Variants in NEDD4L observed in about 807,000 individuals in gnomAD.
NEDD4L encodes E3 ubiquitin-protein ligase NEDD4-like.
Under a neutral mutation model 148.9 loss-of-function variants are expected in NEDD4L, and 54 were observed. That is an observed-to-expected ratio of 0.36 (90% confidence interval 0.29 to 0.45). The LOEUF (loss-of-function observed/expected upper bound fraction) is 0.45, where lower values mean the gene tolerates loss of function less well. NEDD4L is among the 20% of genes least tolerant of loss of function. NEDD4L has a pLI of 1.00. For synonymous variants in NEDD4L, 433 were observed against 440.7 expected (o/e 0.98, Z 0.22); for missense variants, 856 against 1,233.8 (o/e 0.69, Z 4.59).
intron 4 of NEDD4L, among the ~76,000 whole-genome samples, chr18:58,251,169 T>A (rs1891386897): frequency 6.6e-6 from 1 of 152,126 alleles, no homozygotes; most frequent in Admixed American, 6.5e-5. Context: ...CATCATAGGA[T>A]TGCTGTGAAG....
rs2048668231 is a variant in NEDD4L at position 58,256,910 on chromosome 18, G to A, written c.297+4856G>A. ...GGCCAGTGGATCTGAATGTTTGGCC[G>A]AGTTCTGGCACGATGATTTGTGGTC... On this transcript the variant is annotated intron_variant, in intron 5 of 30. Coordinates refer to ENST00000400345, the MANE Select transcript of NEDD4L (RefSeq NM_001144967.3). This position sits in a 1 kb window ranked among gnomAD's most constrained non-coding sequence, Gnocchi z 5.2. The A allele has an allele frequency of 2.6e-6, 2 of 775,360 alleles. No homozygotes were observed. Among genetic ancestry groups the A allele is most frequent in the Non-Finnish European group, 1.7e-6 (1 of 571,476 alleles). 48.0% of individuals were successfully genotyped at this position (775,360 alleles called of 1,614,324 possible).
At chr18:58,089,305 T>C (rs2083932667) in intron 1 of NEDD4L, among the ~76,000 whole-genome samples, 1 of 151,984 alleles carries the variant, frequency 6.6e-6, no homozygotes, top group African/African-American at 2.4e-5. Flanking sequence ...GACTAATCTT[T>C]TGTATTTTTA....
chr18:58,345,432 A>G (rs918900337), intron 16 of NEDD4L, among the ~76,000 whole-genome samples: 1 of 152,234 alleles, frequency 6.6e-6, no homozygotes, highest in Non-Finnish European at 1.5e-5. Flanking sequence ...TTGAAAGAAG[A>G]AGAGAACAAA....
intron 2 of NEDD4L, among the ~76,000 whole-genome samples, chr18:58,184,388 C>T (rs1002807571): frequency 6.6e-6 from 1 of 152,066 alleles, no homozygotes; most frequent in Non-Finnish European, 1.5e-5. Flanking sequence ...TTTTGATGAG[C>T]CTCACTGGAG....
intron 1 of NEDD4L, among the ~76,000 whole-genome samples, chr18:58,106,176 C>T (rs1325324002): frequency 6.6e-6 from 1 of 152,142 alleles, no homozygotes; most frequent in Non-Finnish European, 1.5e-5. Context: ...CCGTGCTGCC[C>T]AGGATCCTGG....
intron 1 of NEDD4L, among the ~76,000 whole-genome samples, chr18:58,083,042 A>G (rs2083552681): frequency 6.6e-6 from 1 of 152,156 alleles, no homozygotes. Context: ...CTTAGTAGGA[A>G]TCTTAACAGG....
At chr18:58,374,787 C>T (rs962598056) in intron 24 of NEDD4L, among the ~76,000 whole-genome samples, 6 of 152,136 alleles carry the variant, frequency 3.9e-5, no homozygotes, top group African/African-American at 1.2e-4. Flanking sequence ...CCTCTGCTGG[C>T]CCTGTGGATG....
intron 5 of NEDD4L, among the ~76,000 whole-genome samples, chr18:58,299,560 G>A (rs1040752871): frequency 1.3e-5 from 2 of 152,170 alleles, no homozygotes; most frequent in Admixed American, 1.3e-4. Flanking sequence ...GCCATTTACT[G>A]TGGGTTTGAA....
At chr18:58,122,495 C>CTAAAA (rs544222112) in intron 1 of NEDD4L, among the ~76,000 whole-genome samples, 5,577 of 151,844 alleles carry the variant, frequency 0.037, 147 homozygotes, top group Non-Finnish European at 0.057. Context: ...AAAATTCTGT[C>CTAAAA]TAAAATAAAA....
chr18:58,347,252 T>G (rs1176835083), intron 16 of NEDD4L, among the ~76,000 whole-genome samples: 1 of 102,792 alleles, frequency 9.7e-6, no homozygotes. Flanking sequence ...CTTTTACCAA[T>G]AGGGCTGATT....
At chr18:58,078,959 G>T (rs2083302948) in intron 1 of NEDD4L, among the ~76,000 whole-genome samples, 1 of 152,164 alleles carries the variant, frequency 6.6e-6, no homozygotes, top group Admixed American at 6.5e-5. Context: ...AATAATACCT[G>T]TATGGCTGTT....
intron 16 of NEDD4L, among the ~76,000 whole-genome samples, chr18:58,343,480 C>G (rs1410811751): frequency 6.6e-6 from 1 of 152,180 alleles, no homozygotes; most frequent in African/African-American, 2.4e-5. Context: ...TTGTCAGTTT[C>G]TTCTTGCACT....
In NEDD4L at chr18:58,367,632, G is replaced by T. The variant is rs549752607; in HGVS notation, c.2064-114G>T. ...CTCTAGCCCACACATTTTCCCACTA[G>T]GTACAGAATGCTCGCAGGGACACTG... On this transcript the variant is annotated intron_variant, in intron 21 of 30. Coordinates refer to ENST00000400345, the MANE Select transcript of NEDD4L (RefSeq NM_001144967.3). 1.3e-4 allele frequency: 141 copies of T among 1,127,964 alleles called. No homozygotes were observed. In the Admixed American group the frequency reaches 2.1e-3, roughly 17 times the overall value. The allele number at this position is 1,127,964 out of a possible 1,614,324, so 69.9% of individuals were successfully genotyped here.
chr18:58,312,457 C>T (rs2057806244), intron 5 of NEDD4L, among the ~76,000 whole-genome samples: 1 of 152,166 alleles, frequency 6.6e-6, no homozygotes, highest in Admixed American at 6.5e-5. Flanking sequence ...TGAGGTGTTG[C>T]ACTGTGGTGG....
At chr18:58,387,998 T>C (rs2049277409) in intron 27 of NEDD4L, 1 of 152,994 alleles carries the variant, frequency 6.5e-6, no homozygotes, top group Non-Finnish European at 1.5e-5. Context: ...TACTTGGGCC[T>C]GTAGAACGAC....
intron 2 of NEDD4L, among the ~76,000 whole-genome samples, 161 bp downstream of exon 2, chr18:58,166,022 G>T (rs1226832935): frequency 2.0e-5 from 3 of 152,320 alleles, no homozygotes; most frequent in East Asian, 3.9e-4. Flanking sequence ...TGGCCCAGCT[G>T]GTTCCAGGAG....
At chr18:58,094,900 TAA>T (rs1555689599) in intron 1 of NEDD4L, among the ~76,000 whole-genome samples, 36 of 129,422 alleles carry the variant, frequency 2.8e-4, no homozygotes, top group Admixed American at 3.1e-4. Context: ...AAAGAGCACT[TAA>T]AAAAAAAAAA....
intron 6 of NEDD4L, among the ~76,000 whole-genome samples, chr18:58,320,854 A>G (rs1348852593): frequency 3.3e-5 from 5 of 152,224 alleles, no homozygotes; most frequent in Non-Finnish European, 5.9e-5. Context: ...TGAAAAAAGG[A>G]AGGAAAACCA....
chr18:58,359,313 T>G (rs960915034), intron 19 of NEDD4L, among the ~76,000 whole-genome samples: 1 of 152,230 alleles, frequency 6.6e-6, no homozygotes, highest in African/African-American at 2.4e-5. Context: ...TTTCTCTATG[T>G]GCTTGCAGGC....
Sources: allele counts gnomAD v4.1 joint callset (sites outside exome capture counted in the v4.1 genomes callset), GRCh38; gene constraint gnomAD v4.1.1; non-coding constraint Gnocchi (gnomAD v3.1); transcripts MANE v1.5; gene names NCBI Gene and HGNC (gene_info 2026-07-23, HGNC 2026-07-21).